Variants in ANKS1B observed in about 807,000 individuals in gnomAD.
The protein encoded by ANKS1B is ankyrin repeat and sterile alpha motif domain-containing protein 1B.
ANKS1B carries 36 observed loss-of-function variants against 148.3 expected under a neutral mutation model. The ratio of observed to expected loss-of-function variants is 0.24; its 90% CI spans 0.19 to 0.32. The LOEUF is 0.32. Ranked by LOEUF, ANKS1B falls within the 10% of genes least tolerant of loss-of-function variation. The pLI is 1.00. For synonymous variants in ANKS1B, 542 were observed against 560.8 expected, an observed-to-expected ratio of 0.97 and a Z score of 0.47; for missense variants, 1,157 against 1,542.6, an observed-to-expected ratio of 0.75 and a Z score of 4.19.
chr12:99,696,423 T>C (rs1003774630), intron 8 of ANKS1B, among the ~76,000 whole-genome samples: 26 of 152,034 alleles, frequency 1.7e-4, no homozygotes, highest in Middle Eastern at 3.4e-3. Context: ...AATCCAAAAA[T>C]AAACACATAC....
At chr12:99,670,150 C>A (rs1599296239) in intron 8 of ANKS1B, among the ~76,000 whole-genome samples, 2 of 152,134 alleles carry the variant, frequency 1.3e-5, no homozygotes, top group Non-Finnish European at 2.9e-5. Context: ...CCATTTTAGA[C>A]CTTTCTTCAC....
chr12:99,036,818 T>G (rs187052215), intron 17 of ANKS1B, among the ~76,000 whole-genome samples: 1 of 152,322 alleles, frequency 6.6e-6, no homozygotes, highest in Admixed American at 6.5e-5. Flanking sequence ...AAAGATTACA[T>G]GTTACATGCC....
chr12:99,838,125 T>A (rs1014828681), intron 1 of ANKS1B, among the ~76,000 whole-genome samples: 13 of 152,144 alleles, frequency 8.5e-5, no homozygotes, highest in African/African-American at 2.9e-4. Flanking sequence ...TACAGCTGTA[T>A]AGTATCCCAT....
At chr12:98,785,611 G>A (rs1051535440) in intron 22 of ANKS1B, among the ~76,000 whole-genome samples, 1 of 152,138 alleles carries the variant, frequency 6.6e-6, no homozygotes, top group Non-Finnish European at 1.5e-5. Flanking sequence ...ATGTGAGCAC[G>A]GGGCTTCAGT....
chr12:99,761,565 T>C (rs2062118391), intron 8 of ANKS1B, among the ~76,000 whole-genome samples: 1 of 151,988 alleles, frequency 6.6e-6, no homozygotes, highest in Non-Finnish European at 1.5e-5. Context: ...ATAAAAGCCA[T>C]CTATGACAAA....
chr12:99,665,981 T>C (rs1014284789), intron 8 of ANKS1B, among the ~76,000 whole-genome samples: 1 of 152,216 alleles, frequency 6.6e-6, no homozygotes, highest in African/African-American at 2.4e-5. Flanking sequence ...TGAGTTAATT[T>C]TCATGTACAG....
chr12:99,683,624 T>G (rs2098633584), intron 8 of ANKS1B, among the ~76,000 whole-genome samples: 1 of 152,168 alleles, frequency 6.6e-6, no homozygotes, highest in African/African-American at 2.4e-5. Flanking sequence ...AATCATTCTA[T>G]GAAGCCAGTA....
chr12:99,300,683 G>T (rs2081475148), intron 12 of ANKS1B, among the ~76,000 whole-genome samples: 1 of 152,162 alleles, frequency 6.6e-6, no homozygotes, highest in Non-Finnish European at 1.5e-5. Context: ...AAATGCAGTA[G>T]GGGTAAGAGG....
At chr12:99,663,331 C>G (rs1356359251) in intron 8 of ANKS1B, among the ~76,000 whole-genome samples, 1 of 152,062 alleles carries the variant, frequency 6.6e-6, no homozygotes, top group African/African-American at 2.4e-5. Context: ...ACTGTTAAAG[C>G]CACAGTTGAA....
intron 17 of ANKS1B, among the ~76,000 whole-genome samples, chr12:98,863,977 T>C (rs1233121593): frequency 6.6e-6 from 1 of 152,008 alleles, no homozygotes; most frequent in Non-Finnish European, 1.5e-5. Flanking sequence ...TTCCTGGAGG[T>C]GTCCTAGAAG....
intron 8 of ANKS1B, among the ~76,000 whole-genome samples, chr12:99,690,862 C>G (rs192231836): frequency 2.3e-4 from 35 of 152,340 alleles, no homozygotes; most frequent in Admixed American, 4.6e-4. Flanking sequence ...AGTGGGAACT[C>G]TGTGTGGAGG....
intron 11 of ANKS1B, among the ~76,000 whole-genome samples, chr12:99,435,056 A>G (rs560290903): frequency 5.9e-5 from 9 of 152,230 alleles, no homozygotes; most frequent in African/African-American, 1.9e-4. Flanking sequence ...CTCACCTGGA[A>G]TTTCATCAAA....
At chr12:98,870,669 C>T (rs2099658305) in intron 17 of ANKS1B, among the ~76,000 whole-genome samples, 1 of 152,216 alleles carries the variant, frequency 6.6e-6, no homozygotes, top group East Asian at 1.9e-4. Flanking sequence ...CATTTCACTT[C>T]CTGCTAACAA....
intron 8 of ANKS1B, among the ~76,000 whole-genome samples, chr12:99,683,661 G>T (rs1213722586): frequency 6.6e-6 from 1 of 151,772 alleles, no homozygotes; most frequent in Non-Finnish European, 1.5e-5. Context: ...ACCAGAAAAG[G>T]GTATTTGAAA....
At chr12:99,585,506 G>A (rs749945997) in intron 9 of ANKS1B, among the ~76,000 whole-genome samples, 46 of 152,244 alleles carry the variant, frequency 3.0e-4, no homozygotes, top group Non-Finnish European at 6.3e-4. Flanking sequence ...TCTGGAGAAC[G>A]GTGGCCCTCT....
intron 11 of ANKS1B, among the ~76,000 whole-genome samples, chr12:99,420,145 C>T (rs1186723872): frequency 1.3e-5 from 2 of 152,160 alleles, no homozygotes; most frequent in Non-Finnish European, 2.9e-5. Context: ...GCTTTAGAAT[C>T]CAGCTCTCTC....
intron 9 of ANKS1B, among the ~76,000 whole-genome samples, chr12:99,652,649 T>A (rs1298263361): frequency 3.9e-5 from 6 of 152,130 alleles, no homozygotes; most frequent in African/African-American, 1.2e-4. Flanking sequence ...CTCAACATAG[T>A]ACTTACAAAA....
chr12:99,718,572 T>G (rs574891336), intron 8 of ANKS1B, among the ~76,000 whole-genome samples: 4 of 152,166 alleles, frequency 2.6e-5, no homozygotes, highest in African/African-American at 9.7e-5. Flanking sequence ...CTATAAACTC[T>G]CCTTACAATT....
At chr12:99,075,275 G>C (rs1425656014) in intron 16 of ANKS1B, among the ~76,000 whole-genome samples, 2 of 152,178 alleles carry the variant, frequency 1.3e-5, no homozygotes, top group Non-Finnish European at 2.9e-5. Flanking sequence ...AACATCCCAA[G>C]TGATCTTCTA....
Sources: allele counts gnomAD v4.1 joint callset (sites outside exome capture counted in the v4.1 genomes callset), GRCh38; gene constraint gnomAD v4.1.1; transcripts MANE v1.5; gene names NCBI Gene and HGNC (gene_info 2026-07-23, HGNC 2026-07-21).